Variants in TG observed in about 807,000 individuals in gnomAD.
TG encodes the protein thyroglobulin, also known as thyroid hormones.
Under a neutral mutation model 324.7 loss-of-function variants are expected in TG, and 270 were observed. The ratio of observed to expected loss-of-function variants is 0.83; its 90% confidence interval spans 0.75 to 0.92. TG has a LOEUF of 0.92. Among genes scored for constraint, TG ranks in the 40% least tolerant of loss-of-function variants. The probability of loss-of-function intolerance (pLI) is 0.00; values close to 1 mark genes in which losing one functional copy is unlikely to be tolerated. For missense variants in TG, 3,591 were observed against 3,456.4 expected (o/e 1.04, Z -0.98); for synonymous variants, 1,401 against 1,327.0 (o/e 1.06, Z -1.21).
chr8:133,060,541 T>C (rs1842221312), intron 41 of TG, among the ~76,000 whole-genome samples: 1 of 152,110 alleles, frequency 6.6e-6, no homozygotes, highest in Non-Finnish European at 1.5e-5. Context: ...GCCCAGAAAG[T>C]ATCTCCACTC....
At position 132,969,564 on chromosome 8, in the gene TG, T is replaced by C. The variant is rs746626681; in HGVS notation, c.5970T>C (p.Ser1990=). 5.0e-6 allele frequency: 8 copies of C among 1,594,182 alleles called. No individual in the cohort carries two copies. Among genetic ancestry groups the C allele is most frequent in the Non-Finnish European group, 6.9e-6 (8 of 1,162,056 alleles). Reference sequence around the variant, plus strand: ...TGCCCATGTCTGAAAAATCTATTTCTAATGGGTAAGCTACTTGTGTCTCAC... The same window carrying C: ...TGCCCATGTCTGAAAAATCTATTTCCAATGGGTAAGCTACTTGTGTCTCAC... The part of the protein sequence containing the change: ...NKVPMSEKSI[S]NGFFECERRC... Residue 1990 remains serine (S), a synonymous_variant, in exon 32 of 48, where the codon TCT becomes TCC. Transcript: ENST00000220616.
intron 16 of TG, among the ~76,000 whole-genome samples, chr8:132,904,757 C>T (rs1402700425): frequency 6.6e-6 from 1 of 152,084 alleles, no homozygotes; most frequent in African/African-American, 2.4e-5. Context: ...AAAACAAAAA[C>T]AAAAACAGAA....
At chr8:132,869,374 C>G (rs1443519196) in intron 2 of TG, among the ~76,000 whole-genome samples, 1 of 152,192 alleles carries the variant, frequency 6.6e-6, no homozygotes, top group East Asian at 1.9e-4. Context: ...CACTCCCTAT[C>G]CATACAATGT....
In TG at chr8:132,888,130, A is replaced by C. The variant is rs746224898; in HGVS notation, c.2323A>C (p.Asn775His). 6.2e-6 allele frequency: 10 copies of C among 1,614,004 alleles called. No individual in the cohort carries two copies. Among genetic ancestry groups the C allele is most frequent in the Non-Finnish European group, 8.5e-6 (10 of 1,180,024 alleles). ...TGGGCAGTGGAGACAAGTGCAATGC[A>C]ATGGGCCTCCTGAGCAGGTCTTCGA... ...TDGQWRQVQC[N>H]GPPEQVFELY... Residue 775 changes from asparagine to histidine, a missense_variant, in exon 10 of 48, where the codon AAT becomes CAT. Transcript: ENST00000220616.
intron 17 of TG, 83 bp from the exon 18 acceptor site, chr8:132,908,103 T>A (rs771444242): frequency 2.6e-6 from 4 of 1,538,014 alleles, no homozygotes; most frequent in Non-Finnish European, 3.6e-6. Context: ...TGAGGAAGGG[T>A]TATTTTTGCA....
chr8:132,901,355 C>T lies in TG; in HGVS notation c.3436C>T (p.Pro1146Ser). 1 of 1,614,078 alleles carries T rather than the reference C, an allele frequency of 6.2e-7. No individual in the cohort carries two copies. Among genetic ancestry groups the T allele is most frequent in the African/African-American group, 1.3e-5 (1 of 75,064 alleles). Residue 1146 changes from proline to serine, a missense_variant and splice_region_variant, in exon 16 of 48, where the codon CCA becomes TCA. Coordinates refer to ENST00000220616, the MANE Select transcript of TG (RefSeq NM_003235.5). The stretch of plus-strand genomic sequence containing the variant: ...CATCTGGCTTGTCTCTGTGTCAGGC[C>T]CAAGCCTCTGCAATGTGCTCAAGAG... ...RPGSSSSAQC[P>S]SLCNVLKSGV...
intron 37 of TG, among the ~76,000 whole-genome samples, chr8:133,015,040 T>C (rs975664137): frequency 2.0e-5 from 3 of 152,182 alleles, no homozygotes; most frequent in African/African-American, 7.2e-5. Context: ...GCCCAGCTAA[T>C]TTTTCTATTT....
rs759691560 is a variant in TG at position 132,887,375 on chromosome 8, G to A, written c.2003G>A (p.Arg668His). 37 of 1,614,154 alleles carry A rather than the reference G, an allele frequency of 2.3e-5. No homozygotes were observed. Among genetic ancestry groups the A allele is most frequent in the East Asian group, 6.7e-5 (3 of 44,874 alleles). Reference sequence around the variant, plus strand: ...ACAGACTGTGAAAAGCAAAGGGCTCGCATGCAAAGCCTCATGGGCAGCCAG... The same window carrying A: ...ACAGACTGTGAAAAGCAAAGGGCTCACATGCAAAGCCTCATGGGCAGCCAG... ...CPTDCEKQRARMQSLMGSQPA... is the reference protein window; with the variant it reads ...CPTDCEKQRAHMQSLMGSQPA... The change falls in exon 9 of 48, where the codon CGC (arginine) becomes CAC (histidine). Residue 668 changes from arginine (R) to histidine (H), a missense_variant. Arg to His is a conservative substitution (Grantham distance 29, BLOSUM62 0). Transcript: ENST00000220616.
At chr8:132,958,691 A>G (rs571830573) in intron 27 of TG, among the ~76,000 whole-genome samples, 4 of 61,860 alleles carry the variant, frequency 6.5e-5, no homozygotes, top group Admixed American at 5.6e-4. Flanking sequence ...GCACCAGGCA[A>G]CAGAGCAAGA....
chr8:133,113,214 A>G (rs920605404), intron 43 of TG, among the ~76,000 whole-genome samples: 1 of 152,206 alleles, frequency 6.6e-6, no homozygotes, highest in Non-Finnish European at 1.5e-5. Flanking sequence ...GAAGGCAGGC[A>G]CAGAGAGGGA....
intron 27 of TG, among the ~76,000 whole-genome samples, chr8:132,957,810 G>A (rs1025824070): frequency 7.6e-6 from 1 of 131,256 alleles, no homozygotes; most frequent in African/African-American, 2.9e-5. Flanking sequence ...TTTTCCATAC[G>A]TTACTGGGGT....
At position 133,133,660 on chromosome 8, in the gene TG, G is replaced by A. The variant is rs750344846; in HGVS notation, c.8188G>A (p.Asp2730Asn). 1 of 1,613,278 alleles carries A rather than the reference G, an allele frequency of 6.2e-7. No individual in the cohort carries two copies. Among genetic ancestry groups the A allele is most frequent in the Non-Finnish European group, 8.5e-7 (1 of 1,179,590 alleles). The change falls in exon 47 of 48, where the codon GAT (aspartate) becomes AAT (asparagine). Residue 2730 changes from aspartate (D) to asparagine (N), a missense_variant and splice_region_variant. By Grantham distance (23) the Asp-to-Asn change is conservative. Coordinates refer to ENST00000220616, the MANE Select transcript of TG (RefSeq NM_003235.5). The part of the protein sequence containing the change: ...KYISSLKTSA[D>N]GAKGGQSAES... ...CATCTCGTCTCTGAAGACATCTGCA[G>A]GTAGCAAAGCCCTGGGACAAGTGGA... is the stretch of plus-strand genomic sequence containing the variant.
At position 133,114,314 on chromosome 8, in the gene TG, AC is replaced by A. The variant is rs1850515742; in HGVS notation, c.7754+716del. On this transcript the variant is annotated intron_variant, in intron 44 of 47. Transcript: ENST00000220616. Reference sequence around the variant, plus strand: ...TCTCTCACTTGGGGAAGGCTGCCAAACCCCCACCCCAAGATGGCTAAAGGCT... The same window carrying A: ...TCTCTCACTTGGGGAAGGCTGCCAAACCCCACCCCAAGATGGCTAAAGGCT... 2.0e-5 allele frequency among the ~76,000 whole-genome samples: 3 copies of A among 151,510 alleles called. No homozygotes were observed. The South Asian group carries it at 6.3e-4, about 32-fold the overall frequency.
chr8:132,871,583 G>T (rs1839484991), intron 4 of TG, 32 bp downstream of exon 4: 2 of 1,603,842 alleles, frequency 1.2e-6, no homozygotes, highest in African/African-American at 2.7e-5. Flanking sequence ...CACCCCTAGA[G>T]CTGGGGAGGG....
intron 45 of TG, among the ~76,000 whole-genome samples, chr8:133,130,752 T>G (rs1314527131): frequency 6.6e-6 from 1 of 152,180 alleles, no homozygotes; most frequent in Non-Finnish European, 1.5e-5. Flanking sequence ...TAATTTGTGT[T>G]GTTTTAAGCC....
At chr8:132,962,073 A>G (rs991348916) in intron 28 of TG, among the ~76,000 whole-genome samples, 6 of 152,144 alleles carry the variant, frequency 3.9e-5, no homozygotes, top group Admixed American at 1.3e-4. Flanking sequence ...TGCTGTGGAT[A>G]TCATACATGC....
rs750383330 is a variant in TG, at chr8:132,888,010, G to A, written c.2203G>A (p.Glu735Lys). ...KCPTPCQLQS[E>K]QAFLRTVQAL... ...CCCCACGCCCTGTCAATTACAGTCT[G>A]AGCAAGCTTTCCTCAGGACGGTGCA... The change falls in exon 10 of 48, where the codon GAG becomes AAG. Residue 735 changes from glutamate (E) to lysine (K), a missense_variant. Physicochemically the swap from Glu to Lys is moderately conservative, Grantham distance 56 (BLOSUM62 1). Coordinates refer to ENST00000220616, the MANE Select transcript of TG (RefSeq NM_003235.5). 9 of 1,613,898 alleles carry A rather than the reference G, an allele frequency of 5.6e-6. No homozygotes were observed. The Admixed American group carries it at 8.3e-5, about 15-fold the overall frequency.
At chr8:133,040,301 C>T in intron 41 of TG, 2 of 683,498 alleles carry the variant, frequency 2.9e-6, no homozygotes, top group Non-Finnish European at 4.9e-6. Flanking sequence ...GTCACGCGCC[C>T]AGCTGTTTGA....
intron 35 of TG, among the ~76,000 whole-genome samples, chr8:133,006,935 G>T (rs949747152): frequency 2.0e-5 from 3 of 152,156 alleles, no homozygotes; most frequent in African/African-American, 7.2e-5. Flanking sequence ...GTAGTCAGTT[G>T]GAATCTCAGA....
Sources: allele counts gnomAD v4.1 joint callset (sites outside exome capture counted in the v4.1 genomes callset), GRCh38; gene constraint gnomAD v4.1.1; transcripts MANE v1.5; gene names NCBI Gene and HGNC (gene_info 2026-07-23, HGNC 2026-07-21).